NANOG: variants seen among roughly 807,000 people sequenced by gnomAD.
NANOG encodes Nanog homeobox.
NANOG carries 2 observed loss-of-function variants against 17.7 expected under a neutral mutation model. The ratio of observed to expected loss-of-function variants is 0.11; its 90% CI spans 0.05 to 0.36. The LOEUF (loss-of-function observed/expected upper bound fraction) is 0.36. Among genes scored for constraint, NANOG ranks in the 10% least tolerant of loss-of-function variants. NANOG has a pLI of 1.00. For missense variants in NANOG, 174 were observed against 362.1 expected (o/e 0.48, Z 4.22); for synonymous variants, 81 against 124.7 (o/e 0.65, Z 2.33).
chr12:7,798,033 T>A lies in NANOG; in HGVS notation c.*2938T>A, dbSNP rs1862953708. The A allele has an allele frequency of 6.6e-6, 1 of 152,030 alleles. No homozygotes were observed. The highest frequency in any genetic ancestry group is 6.6e-5 in the Admixed American group (1 of 15,234). The allele number at this position is 152,030 out of a possible 1,614,324, so 9.4% of individuals were successfully genotyped here. ...CTCTTGGCAGGTAAGAATTTAGAGATCTATTTGGAATAATCTTTAAAGTAA... is the reference window on the plus strand; with the variant it reads ...CTCTTGGCAGGTAAGAATTTAGAGAACTATTTGGAATAATCTTTAAAGTAA... On this transcript the variant is annotated 3_prime_UTR_variant, in exon 4 of 4. Transcript: ENST00000229307.
rs1282361803 is a variant in NANOG at position 7,796,731 on chromosome 12, T to C, written c.*1636T>C. 2.1e-5 allele frequency: 3 copies of C among 143,612 alleles called. No homozygotes were observed. Among genetic ancestry groups the C allele is most frequent in the Admixed American group, 7.1e-5 (1 of 14,068 alleles). 8.9% of individuals were successfully genotyped at this position (143,612 alleles called of 1,614,324 possible). On this transcript the variant is annotated 3_prime_UTR_variant, in exon 4 of 4. Coordinates refer to ENST00000229307, the MANE Select transcript of NANOG (RefSeq NM_024865.4). Reference sequence around the variant, plus strand: ...CCCAATTGTCCAATGTTACTAAGACTATCCAGTCTAATTCCAAGTGTTTTT... The same window carrying C: ...CCCAATTGTCCAATGTTACTAAGACCATCCAGTCTAATTCCAAGTGTTTTT...
chr12:7,792,929 C>G, intron 1 of NANOG, 21 bp from the exon 2 acceptor site: 2 of 1,565,746 alleles, frequency 1.3e-6, no homozygotes, highest in Non-Finnish European at 1.7e-6. Flanking sequence ...ACAAAAGTGT[C>G]CTTTTATTTG....
rs764081129 is a variant in NANOG, at chr12:7,793,182, C to T, written c.384C>T (p.Leu128=). 53 of 1,613,710 alleles carry T rather than the reference C, an allele frequency of 3.3e-5. No homozygotes were observed. The highest frequency in any genetic ancestry group is 4.1e-5 in the Non-Finnish European group (48 of 1,179,856). The change falls in exon 2 of 4, where the codon CTC becomes CTT. Residue 128 remains leucine, a synonymous_variant. Transcript: ENST00000229307. ...KYLSLQQMQE[L]SNILNLSYKQ... is the part of the protein sequence containing the mutation. ...TCAGCCTCCAGCAGATGCAAGAACT[C>T]TCCAACATCCTGAACCTCAGCTACA...
chr12:7,793,732 C>T (rs745806133), intron 2 of NANOG, among the ~76,000 whole-genome samples: 1 of 152,226 alleles, frequency 6.6e-6, no homozygotes, highest in East Asian at 1.9e-4. Context: ...GACGGAGTCT[C>T]ACTCTGTCTC....
At position 7,794,440 on chromosome 12, in the gene NANOG, A is replaced by G. The variant is rs747564106; in HGVS notation, c.415-17A>G. The stretch of plus-strand genomic sequence containing the variant: ...GTATTATGAATATTTTACAATTTCT[A>G]TCATTTTTTCCTGCAGGTGAAGACC... On this transcript the variant is annotated splice_polypyrimidine_tract_variant and intron_variant, in intron 2 of 3. Coordinates refer to ENST00000229307, the MANE Select transcript of NANOG (RefSeq NM_024865.4). 5.6e-6 allele frequency: 9 copies of G among 1,603,374 alleles called. No individual in the cohort carries two copies. Among genetic ancestry groups the G allele is most frequent in the East Asian group, 2.2e-5 (1 of 44,846 alleles).
chr12:7,791,093 A>ATTTC (rs1320803765), intron 1 of NANOG, among the ~76,000 whole-genome samples: 6 of 144,326 alleles, frequency 4.2e-5, no homozygotes, highest in Non-Finnish European at 9.0e-5. Context: ...TGCCTTTATA[A>ATTTC]TTTCTTTCTT....
Position 7,794,696 on chromosome 12 carries a change from C to G in NANOG, c.519C>G (p.Thr173=). 6.2e-7 allele frequency: 1 copy of G among 1,608,030 alleles called. No homozygotes were observed. The highest frequency in any genetic ancestry group is 8.5e-7 in the Non-Finnish European group (1 of 1,176,768). ...NGVTQKASAP[T]YPSLYSSYHQ... is the part of the protein sequence containing the mutation. The stretch of plus-strand genomic sequence containing the variant: ...TCTTTCAGAAGGCCTCAGCACCTAC[C>G]TACCCCAGCCTTTACTCTTCCTACC... The change falls in exon 4 of 4, where the codon ACC becomes ACG. Residue 173 remains threonine, a synonymous_variant. Transcript: ENST00000229307.
chr12:7,791,416 G>A (rs566161336), intron 1 of NANOG, among the ~76,000 whole-genome samples: 1 of 152,132 alleles, frequency 6.6e-6, no homozygotes, highest in Non-Finnish European at 1.5e-5. Context: ...AAAATACATT[G>A]CTGGGTTTGG....
intron 1 of NANOG, 59 bp from the exon 2 acceptor site, chr12:7,792,891 G>A: frequency 1.3e-6 from 2 of 1,499,156 alleles, no homozygotes; most frequent in Non-Finnish European, 1.8e-6. Flanking sequence ...TTTTTTTAAA[G>A]GATATTTTAA....
At position 7,795,303 on chromosome 12, in the gene NANOG, T is replaced by C. The variant is rs1220227016; in HGVS notation, c.*208T>C. 1 of 457,366 alleles carries C rather than the reference T, an allele frequency of 2.2e-6. No homozygotes were observed. The highest frequency in any genetic ancestry group is 3.2e-5 in the East Asian group (1 of 31,042). The allele number at this position is 457,366 out of a possible 1,614,324, so 28.3% of individuals were successfully genotyped here. On this transcript the variant is annotated 3_prime_UTR_variant, in exon 4 of 4. Transcript: ENST00000229307. ...CTTTTTTTTTTTTTTTCCTATTGGA[T>C]CTTCCTGGAGAAAATACTTTTTTTT...
At position 7,797,920 on chromosome 12, in the gene NANOG, TGA is replaced by T. The variant is rs34088980; in HGVS notation, c.*2828_*2829del. 0.41 allele frequency: 61,892 copies of T among 151,494 alleles called. 13,714 individuals are homozygous for T. The highest frequency in any genetic ancestry group is 0.56 in the South Asian group (2,675 of 4,800). 9.4% of individuals were successfully genotyped at this position (151,494 alleles called of 1,614,324 possible). Reference sequence around the variant, plus strand: ...TACCAGCCTTGGCCTCCCGAAGTGCTGAGATTACAGGCATGAGTCACCAGCCT... The same window carrying T: ...TACCAGCCTTGGCCTCCCGAAGTGCTGATTACAGGCATGAGTCACCAGCCT... On this transcript the variant is annotated 3_prime_UTR_variant, in exon 4 of 4. Coordinates refer to ENST00000229307, the MANE Select transcript of NANOG (RefSeq NM_024865.4).
Position 7,789,721 on chromosome 12 carries a change from C to T in NANOG, c.107C>T (p.Pro36Leu). 6.2e-7 allele frequency: 1 copy of T among 1,614,158 alleles called. No individual in the cohort carries two copies. Among genetic ancestry groups the T allele is most frequent in the Non-Finnish European group, 8.5e-7 (1 of 1,180,026 alleles). The change falls in exon 1 of 4, where the codon CCA becomes CTA. Residue 36 changes from proline (P) to leucine (L), a missense_variant. This residue lies in a region of NANOG where 158 missense variants were observed against 244.2 expected (regional missense o/e 0.65). Coordinates refer to ENST00000229307, the MANE Select transcript of NANOG (RefSeq NM_024865.4). The part of the protein sequence containing the change: ...PVICGPEENY[P>L]SLQMSSAEMP... ...ATTTGTGGGCCTGAAGAAAACTATC[C>T]ATCCTTGCAAATGTCTTCTGCTGAG...
rs1592115956 is a variant in NANOG, at chr12:7,789,667, A to C, written c.53A>C (p.Asp18Ala). 4.0e-5 allele frequency: 65 copies of C among 1,614,100 alleles called. 2 individuals are homozygous for C. In the East Asian group the frequency reaches 1.4e-3, roughly 36 times the overall value. Residue 18 changes from aspartate to alanine, a missense_variant, in exon 1 of 4, where the codon GAC becomes GCC. This residue lies in a region of NANOG where 158 missense variants were observed against 244.2 expected (regional missense o/e 0.65). Transcript: ENST00000229307. ...AGCTTGCCTTGCTTTGAAGCATCCG[A>C]CTGTAAAGAATCTTCACCTATGCCT... ...PQSLPCFEAS[D>A]CKESSPMPVI...
At position 7,795,374 on chromosome 12, in the gene NANOG, T is replaced by C. The variant is rs1159326336; in HGVS notation, c.*279T>C. 3.0e-6 allele frequency: 1 copy of C among 333,184 alleles called. No homozygotes were observed. The highest frequency in any genetic ancestry group is 5.8e-6 in the Non-Finnish European group (1 of 173,508). 20.6% of individuals were successfully genotyped at this position (333,184 alleles called of 1,614,324 possible). A position where few individuals can be genotyped will look rare whatever the true frequency, so the allele number is the denominator to read the frequency against. On this transcript the variant is annotated 3_prime_UTR_variant, in exon 4 of 4. Transcript: ENST00000229307. ...TCTTGCTCTGTCGCCCAGGCTGGAG[T>C]GCAGTGGCGCGGTCTTGGCTCACTG...
At chr12:7,792,822 A>C (rs754706864) in intron 1 of NANOG, 128 bp from the exon 2 acceptor site, 1 of 947,852 alleles carries the variant, frequency 1.1e-6, no homozygotes, top group African/African-American at 1.7e-5. Context: ...TGCTTAAGAA[A>C]TTGCTTCTTA....
rs1862947700 is a variant in NANOG, at chr12:7,797,492, G to T, written c.*2397G>T. On this transcript the variant is annotated 3_prime_UTR_variant, in exon 4 of 4. Coordinates refer to ENST00000229307, the MANE Select transcript of NANOG (RefSeq NM_024865.4). ...CTTGCCTCAGCCTTTCGAGTGGCTG[G>T]TATTACAGGGATTTGCCACTATGCC... The T allele has an allele frequency of 6.6e-6, 1 of 151,078 alleles. No homozygotes were observed. The highest frequency in any genetic ancestry group is 6.6e-5 in the Admixed American group (1 of 15,100). The allele number at this position is 151,078 out of a possible 1,614,324, so 9.4% of individuals were successfully genotyped here. A position where few individuals can be genotyped will look rare whatever the true frequency, so the allele number is the denominator to read the frequency against.
Position 7,795,982 on chromosome 12 carries a change from A to C in NANOG, c.*887A>C, listed in dbSNP as rs1485223951. 1 of 150,954 alleles carries C rather than the reference A, an allele frequency of 6.6e-6. No homozygotes were observed. The highest frequency in any genetic ancestry group is 2.4e-5 in the African/African-American group (1 of 41,132). 9.4% of individuals were successfully genotyped at this position (150,954 alleles called of 1,614,324 possible). ...TAGTTGGTTTAAGTTCAAATGAATG[A>C]AACAACTATTTTTCCTTTAGTTGAT... On this transcript the variant is annotated 3_prime_UTR_variant, in exon 4 of 4. Transcript: ENST00000229307.
rs367992868 is a variant in NANOG at position 7,795,985 on chromosome 12, C to G, written c.*890C>G. 6.6e-6 allele frequency: 1 copy of G among 150,832 alleles called. No individual in the cohort carries two copies. Among genetic ancestry groups the G allele is most frequent in the East Asian group, 1.9e-4 (1 of 5,150 alleles). The allele number at this position is 150,832 out of a possible 1,614,324, so 9.3% of individuals were successfully genotyped here. On this transcript the variant is annotated 3_prime_UTR_variant, in exon 4 of 4. Transcript: ENST00000229307. ...TTGGTTTAAGTTCAAATGAATGAAA[C>G]AACTATTTTTCCTTTAGTTGATTTT...
At position 7,796,406 on chromosome 12, in the gene NANOG, TG is replaced by T. The variant is rs373983539; in HGVS notation, c.*1312del. On this transcript the variant is annotated 3_prime_UTR_variant, in exon 4 of 4. Transcript: ENST00000229307. ...AGGGCACTTACGTGCATTGTACATG[TG>T]CATCTACAAATGTAATGGGTTATTT... The T allele has an allele frequency of 0.66, 100,668 of 151,822 alleles. 35,760 individuals carry two copies. Among genetic ancestry groups the T allele is most frequent in the Non-Finnish European group, 0.8 (54,021 of 67,884 alleles). The allele number at this position is 151,822 out of a possible 1,614,324, so 9.4% of individuals were successfully genotyped here.
Sources: gnomAD v4.1 joint callset for allele counts (sites outside exome capture counted in the v4.1 genomes callset) on GRCh38, gnomAD v4.1.1 for gene constraint, gnomAD v4.1.1 regional missense constraint, MANE v1.5 for transcripts, NCBI Gene and HGNC (gene_info 2026-07-23, HGNC 2026-07-21) for gene names.